CDH2: variants seen among roughly 807,000 people sequenced by gnomAD.
CDH2 encodes cadherin-2.
A neutral mutation model predicts 92.0 loss-of-function variants in CDH2; 17 were observed. The observed-to-expected ratio is 0.18, with a 90% CI of 0.13 to 0.28. The LOEUF (loss-of-function observed/expected upper bound fraction) is 0.28, where lower values mean the gene tolerates loss of function less well. CDH2 is among the 10% of genes least tolerant of loss of function. The pLI, the probability that CDH2 is intolerant of heterozygous loss-of-function variation, is 1.00. For missense variants in CDH2, 862 were observed against 1,133.1 expected (o/e 0.76, Z 3.44); for synonymous variants, 419 against 415.9 (o/e 1.01, Z -0.09).
At chr18:28,171,929 C>A (rs2016470062) in intron 1 of CDH2, among the ~76,000 whole-genome samples, 1 of 152,184 alleles carries the variant, frequency 6.6e-6, no homozygotes, top group South Asian at 2.1e-4. Flanking sequence ...CATTCACTTA[C>A]ACAGATCAGT....
intron 2 of CDH2, among the ~76,000 whole-genome samples, chr18:28,068,064 T>C (rs553070940): frequency 2.0e-5 from 3 of 152,220 alleles, no homozygotes; most frequent in South Asian, 2.1e-4. Flanking sequence ...GAATAATAAA[T>C]ATCCTGATCC....
chr18:28,025,823 C>T (rs935353520), intron 2 of CDH2, among the ~76,000 whole-genome samples: 2 of 151,812 alleles, frequency 1.3e-5, no homozygotes, highest in Non-Finnish European at 2.9e-5. Flanking sequence ...AGTGCATATA[C>T]GATTTTGAAT....
chr18:28,141,047 A>T (rs1170349606), intron 2 of CDH2, among the ~76,000 whole-genome samples: 1 of 151,858 alleles, frequency 6.6e-6, no homozygotes, highest in Admixed American at 6.6e-5. Flanking sequence ...GAGTATGTGG[A>T]GAAATTGGAA....
chr18:28,099,126 T>C (rs2144228761), intron 2 of CDH2, among the ~76,000 whole-genome samples: 1 of 152,338 alleles, frequency 6.6e-6, no homozygotes, highest in Non-Finnish European at 1.5e-5. Context: ...ATGACATATC[T>C]GATTACCTAT....
chr18:28,068,138 G>A (rs2014545563), intron 2 of CDH2, among the ~76,000 whole-genome samples: 1 of 152,094 alleles, frequency 6.6e-6, no homozygotes, highest in African/African-American at 2.4e-5. Flanking sequence ...GAAACACAAG[G>A]GAGGATCCCA....
chr18:27,941,385 T>A (rs1034657725), intron 6 of CDH2, among the ~76,000 whole-genome samples: 1 of 152,158 alleles, frequency 6.6e-6, no homozygotes, highest in Non-Finnish European at 1.5e-5. Context: ...GTTATTGATT[T>A]AATATTTAAA....
intron 1 of CDH2, among the ~76,000 whole-genome samples, chr18:28,158,593 C>T (rs963525525): frequency 1.3e-5 from 2 of 152,182 alleles, no homozygotes; most frequent in Non-Finnish European, 2.9e-5. Flanking sequence ...GTCAGTGTTA[C>T]CCTGAATGGC....
intron 6 of CDH2, among the ~76,000 whole-genome samples, chr18:27,943,280 G>C (rs1213824578): frequency 1.3e-5 from 2 of 152,260 alleles, no homozygotes; most frequent in African/African-American, 4.8e-5. Context: ...GTGAGCTCTG[G>C]AGCTAGACAG....
chr18:28,016,963 T>C (rs1351864571), intron 2 of CDH2, among the ~76,000 whole-genome samples: 1 of 152,300 alleles, frequency 6.6e-6, no homozygotes, highest in South Asian at 2.1e-4. Context: ...GCATTCCTGA[T>C]ATGAAACCCA....
chr18:28,065,600 A>T (rs930272046), intron 2 of CDH2, among the ~76,000 whole-genome samples: 9 of 152,146 alleles, frequency 5.9e-5, no homozygotes, highest in African/African-American at 2.2e-4. Flanking sequence ...GTCATTGTCA[A>T]CCTTCAAGGA....
At chr18:28,119,531 T>C (rs17494774) in intron 2 of CDH2, among the ~76,000 whole-genome samples, 32 of 152,274 alleles carry the variant, frequency 2.1e-4, no homozygotes, top group African/African-American at 7.5e-4. Flanking sequence ...GCATAATTTA[T>C]AAAGCATTCA....
In CDH2 at chr18:28,177,078, CGGCGGA is replaced by C. The variant is rs573262209; in HGVS notation, c.-62_-57del. On this transcript the variant is annotated 5_prime_UTR_variant, in exon 1 of 16. Transcript: ENST00000269141. ...GAGGAGGCGGCGGCGGCGGCGGCGG[CGGCGGA>C]GGAGGAGGAGGCAGCGGCAGCACCA... 8.4e-4 allele frequency: 1,095 copies of C among 1,300,256 alleles called. 7 individuals carry two copies. In the African/African-American group the frequency reaches 0.014, roughly 16 times the overall value. 80.5% of individuals were successfully genotyped at this position (1,300,256 alleles called of 1,614,324 possible). A position where few individuals can be genotyped will look rare whatever the true frequency, so the allele number is the denominator to read the frequency against.
At chr18:27,978,311 A>T (rs2011918505) in intron 14 of CDH2, among the ~76,000 whole-genome samples, 2 of 152,342 alleles carry the variant, frequency 1.3e-5, no homozygotes, top group Admixed American at 6.5e-5. Context: ...GACACTAGAA[A>T]GCTACAGTAA....
chr18:28,163,443 TG>T (rs1175855552), intron 1 of CDH2, among the ~76,000 whole-genome samples: 1 of 152,246 alleles, frequency 6.6e-6, no homozygotes. Context: ...GTAGGCTTAC[TG>T]AATCAGACTA....
chr18:27,947,313 A>G (rs1223357529), downstream of CDH2, among the ~76,000 whole-genome samples: 2 of 151,880 alleles, frequency 1.3e-5, no homozygotes, highest in African/African-American at 2.4e-5. Context: ...AAATTATTAG[A>G]GTGTAATAAA....
At chr18:28,002,079 G>T (rs1567958510) in intron 7 of CDH2, among the ~76,000 whole-genome samples, 2 of 152,222 alleles carry the variant, frequency 1.3e-5, no homozygotes, top group Non-Finnish European at 2.9e-5. Context: ...TAATGACCTT[G>T]AGAGTCTGTA....
At chr18:28,038,500 A>G (rs950027128) in intron 2 of CDH2, among the ~76,000 whole-genome samples, 7 of 151,616 alleles carry the variant, frequency 4.6e-5, no homozygotes, top group Admixed American at 2.6e-4. Flanking sequence ...TCTGAGTGCT[A>G]TAAAGGACTC....
At chr18:27,966,041 CT>C (rs1427998621) in intron 14 of CDH2, among the ~76,000 whole-genome samples, 2 of 132,070 alleles carry the variant, frequency 1.5e-5, no homozygotes, top group African/African-American at 5.6e-5. Flanking sequence ...AATTTTAATG[CT>C]TTCACACTAA....
Position 28,008,707 on chromosome 18 carries a change from C to T in CDH2, c.702+1010G>A, listed in dbSNP as rs372795709. Among the ~76,000 whole-genome samples the T allele has an allele frequency of 1.6e-4, 24 of 150,612 alleles. 1 individual carries two copies. The highest frequency in any genetic ancestry group is 4.6e-4 in the African/African-American group (19 of 40,930). Reference sequence around the variant, plus strand: ...CATGTATACATGTGACAAACCTGCACGTTGTGCACATGTACCCTAGAACTT... The same window carrying T: ...CATGTATACATGTGACAAACCTGCATGTTGTGCACATGTACCCTAGAACTT... On this transcript the variant is annotated intron_variant, in intron 5 of 15. Coordinates refer to ENST00000269141, the MANE Select transcript of CDH2 (RefSeq NM_001792.5).
Sources: gnomAD v4.1 joint callset for allele counts (sites outside exome capture counted in the v4.1 genomes callset) on GRCh38, gnomAD v4.1.1 for gene constraint, MANE v1.5 for transcripts, NCBI Gene and HGNC (gene_info 2026-07-23, HGNC 2026-07-21) for gene names.